Variants in NPAT observed in about 807,000 individuals in gnomAD.
NPAT encodes the protein protein NPAT.
In NPAT, 52 loss-of-function variants were observed where a neutral mutation model predicts 130.7. That is an observed-to-expected ratio of 0.40 (90% CI 0.32 to 0.50). The LOEUF is 0.50. Ranked by LOEUF, NPAT falls within the 20% of genes least tolerant of loss-of-function variation. The pLI, the probability that NPAT is intolerant of heterozygous loss-of-function variation, is 0.68. For missense variants in NPAT, 1,687 were observed against 1,662.6 expected, an observed-to-expected ratio of 1.01 and a Z score of -0.26; for synonymous variants, 580 against 584.8, an observed-to-expected ratio of 0.99 and a Z score of 0.12.
intron 15 of NPAT, among the ~76,000 whole-genome samples, chr11:108,164,404 G>C (rs534487038): frequency 2.6e-5 from 4 of 152,306 alleles, no homozygotes; most frequent in Admixed American, 2.6e-4. Context: ...GTAGCTAGTG[G>C]CTATGTAGAA....
intron 7 of NPAT, 87 bp from the exon 8 acceptor site, chr11:108,186,656 T>G: frequency 9.2e-7 from 1 of 1,089,740 alleles, no homozygotes; most frequent in Non-Finnish European, 1.4e-6. Flanking sequence ...AATTTTAAGA[T>G]CACCATAACA....
At chr11:108,167,300 C>T (rs1044603090) in intron 15 of NPAT, among the ~76,000 whole-genome samples, 1 of 152,204 alleles carries the variant, frequency 6.6e-6, no homozygotes. Context: ...CAGCCTCAAC[C>T]TCCTGGACTT....
At position 108,172,589 on chromosome 11, in the gene NPAT, C is replaced by T. The variant is rs1438236306; in HGVS notation, c.2395G>A (p.Val799Ile). The T allele has an allele frequency of 1.2e-6, 2 of 1,614,212 alleles. No individual in the cohort carries two copies. Among genetic ancestry groups the T allele is most frequent in the African/African-American group, 1.3e-5 (1 of 75,060 alleles). ...CLSSEETVGAVVYAEVGDSAS... is the reference protein window; with the variant it reads ...CLSSEETVGAIVYAEVGDSAS... ...GAATCCCCTACTTCGGCATATACAA[C>T]AGCACCTACAGTTTCTTCTGAAGAT... Residue 799 changes from valine (V) to isoleucine (I), a missense_variant, in exon 13 of 18, where the codon GTT (valine) becomes ATT (isoleucine). Val to Ile is a conservative substitution (Grantham distance 29). Around this residue, in one of 3 missense-constraint regions of NPAT, gnomAD observed 1,379 missense variants for 1,346.6 expected, o/e 1.02. Transcript: ENST00000278612.
chr11:108,198,966 C>T (rs2078249475), intron 1 of NPAT, among the ~76,000 whole-genome samples: 1 of 152,180 alleles, frequency 6.6e-6, no homozygotes, highest in Admixed American at 6.5e-5. Context: ...GCCCTTCAGC[C>T]CTCCGCTGGC....
At position 108,188,197 on chromosome 11, in the gene NPAT, A is replaced by G. The variant is rs372152965; in HGVS notation, c.557-18T>C. The G allele has an allele frequency of 8.2e-6, 13 of 1,593,206 alleles. No homozygotes were observed. In the African/African-American group the frequency reaches 1.3e-4, roughly 16 times the overall value. On this transcript the variant is annotated intron_variant, in intron 6 of 17. Coordinates refer to ENST00000278612, the MANE Select transcript of NPAT (RefSeq NM_002519.3). The stretch of plus-strand genomic sequence containing the variant: ...TTCTCCAGCTGTATTTCAAGAAAAC[A>G]TAACAGTAAGCCAAAGAAACTGAAT...
chr11:108,183,739 G>A (rs1023533424), intron 10 of NPAT, among the ~76,000 whole-genome samples: 1 of 152,150 alleles, frequency 6.6e-6, no homozygotes, highest in African/African-American at 2.4e-5. Context: ...GAGTTGCAGT[G>A]AGCCAAGATC....
At chr11:108,180,434 G>A (rs1236444652) in intron 10 of NPAT, among the ~76,000 whole-genome samples, 1 of 152,110 alleles carries the variant, frequency 6.6e-6, no homozygotes, top group Admixed American at 6.5e-5. Context: ...TCCAAAAAAG[G>A]CATACATGTG....
intron 7 of NPAT, among the ~76,000 whole-genome samples, chr11:108,187,278 C>T (rs2078116473): frequency 6.6e-6 from 1 of 151,952 alleles, no homozygotes; most frequent in African/African-American, 2.4e-5. Context: ...AAGTGAGACC[C>T]CCATCTCTAC....
intron 1 of NPAT, among the ~76,000 whole-genome samples, chr11:108,203,166 A>G (rs2078290390): frequency 6.6e-6 from 1 of 152,198 alleles, no homozygotes. Context: ...GCTGGGTTTA[A>G]TTCCCTTTGA....
chr11:108,167,177 A>C (rs548311622), intron 15 of NPAT, among the ~76,000 whole-genome samples: 4 of 152,158 alleles, frequency 2.6e-5, no homozygotes, highest in Non-Finnish European at 5.9e-5. Context: ...ATCATTTTCC[A>C]TAACAGTTTA....
At chr11:108,201,489 G>A (rs147448214) in intron 1 of NPAT, among the ~76,000 whole-genome samples, 2 of 152,172 alleles carry the variant, frequency 1.3e-5, no homozygotes. Context: ...CAATCTTTAT[G>A]TATCAGAAAG....
chr11:108,162,230 AGAG>A (rs762836090), intron 15 of NPAT, 50 bp from the exon 16 acceptor site: 12 of 1,516,822 alleles, frequency 7.9e-6, no homozygotes, highest in African/African-American at 6.9e-5. Context: ...CTCCTCTGAA[AGAG>A]GATAGAACAG....
intron 2 of NPAT, among the ~76,000 whole-genome samples, chr11:108,196,696 T>G (rs1326709208): frequency 6.6e-6 from 1 of 152,228 alleles, no homozygotes; most frequent in Non-Finnish European, 1.5e-5. Context: ...ACGGGTATTT[T>G]CAAAATCCAA....
At chr11:108,204,951 A>C (rs1003053703) in intron 1 of NPAT, among the ~76,000 whole-genome samples, 1 of 152,248 alleles carries the variant, frequency 6.6e-6, no homozygotes, top group Admixed American at 6.5e-5. Flanking sequence ...TGAAGAAATA[A>C]TGTCTAGAAA....
intron 1 of NPAT, 112 bp from the exon 2 acceptor site, chr11:108,197,532 G>A: frequency 1.3e-6 from 1 of 775,006 alleles, no homozygotes; most frequent in Non-Finnish European, 2.3e-6. Context: ...ACCTTAGGTG[G>A]AATGCTCTAG....
At chr11:108,203,190 C>T (rs749172726) in intron 1 of NPAT, among the ~76,000 whole-genome samples, 2 of 152,298 alleles carry the variant, frequency 1.3e-5, no homozygotes, top group South Asian at 2.1e-4. Flanking sequence ...GATGTACAGA[C>T]GACCTTTTCT....
At chr11:108,204,779 C>T (rs539908085) in intron 1 of NPAT, among the ~76,000 whole-genome samples, 2 of 152,020 alleles carry the variant, frequency 1.3e-5, no homozygotes, top group Non-Finnish European at 2.9e-5. Context: ...GTGGATGGCA[C>T]GAAGGAGACA....
At chr11:108,164,431 G>T (rs895231945) in intron 15 of NPAT, among the ~76,000 whole-genome samples, 1 of 152,168 alleles carries the variant, frequency 6.6e-6, no homozygotes, top group South Asian at 2.1e-4. Flanking sequence ...GGATATGTAG[G>T]TTATTAAGAA....
intron 1 of NPAT, among the ~76,000 whole-genome samples, chr11:108,212,079 A>C (rs913607853): frequency 6.6e-6 from 1 of 152,190 alleles, no homozygotes; most frequent in African/African-American, 2.4e-5. Flanking sequence ...TCTATTAAAA[A>C]AAAAAAAAGC....
Sources: allele counts gnomAD v4.1 joint callset (sites outside exome capture counted in the v4.1 genomes callset), GRCh38; gene constraint gnomAD v4.1.1; regional missense constraint gnomAD v4.1.1; transcripts MANE v1.5; gene names NCBI Gene and HGNC (gene_info 2026-07-23, HGNC 2026-07-21).